The following LTBP1 variants were observed in gnomAD, a reference collection of about 807,000 sequenced individuals.
The protein encoded by LTBP1 is latent transforming growth factor beta binding protein 1.
Under a neutral mutation model 207.6 loss-of-function variants are expected in LTBP1, and 129 were observed. The observed-to-expected ratio is 0.62, with a 90% confidence interval of 0.54 to 0.72. The LOEUF (loss-of-function observed/expected upper bound fraction) is 0.72, where lower values mean the gene tolerates loss of function less well. LTBP1 is among the 30% of genes least tolerant of loss of function. The probability of loss-of-function intolerance (pLI) is 0.00; values close to 1 mark genes in which losing one functional copy is unlikely to be tolerated. For synonymous variants in LTBP1, 963 were observed against 833.7 expected (o/e 1.16, Z -2.67); for missense variants, 2,281 against 2,217.2 (o/e 1.03, Z -0.58).
chr2:32,999,404 G>A lies in LTBP1; in HGVS notation c.566-21505G>A, dbSNP rs1342877520. 5.0e-5 allele frequency among the ~76,000 whole-genome samples: 4 copies of A among 79,348 alleles called. 1 individual carries two copies. Among genetic ancestry groups the A allele is most frequent in the Non-Finnish European group, 1.2e-4 (4 of 34,026 alleles). 52.1% of individuals were successfully genotyped at this position (79,348 alleles called of 152,430 possible). A position where few individuals can be genotyped will look rare whatever the true frequency, so the allele number is the denominator to read the frequency against. On this transcript the variant is annotated intron_variant, in intron 2 of 33. Transcript: ENST00000404816. ...AGGTTGGGCGAGGCCTAGACATGGT[G>A]TGTGGAGACCCCGGTCTAAGAGTTG...
Position 33,362,640 on chromosome 2 carries a change from T to C in LTBP1, c.4271-750T>C, listed in dbSNP as rs556169088. Among the ~76,000 whole-genome samples the C allele has an allele frequency of 2.0e-5, 3 of 152,318 alleles. No individual in the cohort carries two copies. In the East Asian group the frequency reaches 5.8e-4, roughly 29 times the overall value. ...TTGACTTTGCCATTTTCCATCTGTG[T>C]TAACTTTAAGCAAGTCATCTATGGA... On this transcript the variant is annotated intron_variant, in intron 28 of 33. Coordinates refer to ENST00000404816, the MANE Select transcript of LTBP1 (RefSeq NM_206943.4).
intron 10 of LTBP1, among the ~76,000 whole-genome samples, chr2:33,249,898 T>C (rs905254907): frequency 1.5e-4 from 23 of 152,244 alleles, no homozygotes; most frequent in African/African-American, 5.3e-4. Context: ...TAGAAATCTT[T>C]TGGTATTTCT....
intron 9 of LTBP1, among the ~76,000 whole-genome samples, chr2:33,235,527 A>G (rs1294492578): frequency 6.6e-6 from 1 of 152,224 alleles, no homozygotes; most frequent in African/African-American, 2.4e-5. Context: ...CAGAAATACC[A>G]TTTGACCCAG....
At chr2:33,039,004 T>G (rs1225415314) in intron 3 of LTBP1, among the ~76,000 whole-genome samples, 1 of 152,192 alleles carries the variant, frequency 6.6e-6, no homozygotes, top group Non-Finnish European at 1.5e-5. Flanking sequence ...CTTTGTCTTT[T>G]TGTCCCCAGC....
chr2:33,353,859 C>CATTTTTTTTTTTTTT (rs777108878), intron 26 of LTBP1, among the ~76,000 whole-genome samples: 1 of 113,114 alleles, frequency 8.8e-6, no homozygotes, highest in Non-Finnish European at 2.0e-5. Flanking sequence ...TGCATGTACG[C>CATTTTTTTTTTTTTT]CTTTTTTTTT....
At chr2:33,247,513 T>G (rs948918033) in intron 10 of LTBP1, among the ~76,000 whole-genome samples, 4 of 152,244 alleles carry the variant, frequency 2.6e-5, no homozygotes, top group Admixed American at 2.6e-4. Context: ...CCATGTCCAT[T>G]CATTTACTTA....
At chr2:33,046,891 T>C (rs1272251072) in intron 3 of LTBP1, among the ~76,000 whole-genome samples, 1 of 152,222 alleles carries the variant, frequency 6.6e-6, no homozygotes, top group African/African-American at 2.4e-5. Context: ...TTCTAGTTTA[T>C]TTGCATAGAG....
Position 33,273,590 on chromosome 2 carries a change from T to C in LTBP1, c.2618-66T>C, listed in dbSNP as rs111391856. On this transcript the variant is annotated intron_variant, in intron 15 of 33. Transcript: ENST00000404816. ...GGTCAGGAAACTCAAAGTAATACTT[T>C]GAGAGTAGCAGTGAAATCTGTTCAT... The C allele has an allele frequency of 7.5e-6, 10 of 1,330,772 alleles. No individual in the cohort carries two copies. The South Asian group carries it at 8.5e-5, about 11-fold the overall frequency. The allele number at this position is 1,330,772 out of a possible 1,614,324, so 82.4% of individuals were successfully genotyped here. A position where few individuals can be genotyped will look rare whatever the true frequency, so the allele number is the denominator to read the frequency against.
At chr2:33,297,750 A>G (rs558393295) in intron 20 of LTBP1, among the ~76,000 whole-genome samples, 2 of 151,856 alleles carry the variant, frequency 1.3e-5, no homozygotes, top group South Asian at 4.2e-4. Context: ...AAACAAAACA[A>G]AACAAAAACA....
intron 3 of LTBP1, among the ~76,000 whole-genome samples, chr2:33,030,853 C>T (rs2075660618): frequency 6.6e-6 from 1 of 152,076 alleles, no homozygotes; most frequent in South Asian, 2.1e-4. Context: ...ATCTTATCAC[C>T]TTATGAAGCA....
intron 12 of LTBP1, among the ~76,000 whole-genome samples, chr2:33,258,935 A>G (rs569119308): frequency 1.3e-5 from 2 of 152,338 alleles, no homozygotes; most frequent in African/African-American, 4.8e-5. Context: ...AAAAATACAA[A>G]GGCATCACCA....
rs145223584 is a variant in LTBP1, at chr2:33,161,802, A to G, written c.1202-25054A>G. On this transcript the variant is annotated intron_variant, in intron 5 of 33. Coordinates refer to ENST00000404816, the MANE Select transcript of LTBP1 (RefSeq NM_206943.4). ...AAAGAACCTGCATTGTAGACTATAA[A>G]CATTCATGATCGCTTTTATTGATGA... Among the ~76,000 whole-genome samples the G allele has an allele frequency of 3.3e-3, 497 of 152,350 alleles. 3 individuals are homozygous for G. Among genetic ancestry groups the G allele is most frequent in the African/African-American group, 0.012 (483 of 41,578 alleles).
chr2:33,305,110 C>T (rs549913663), intron 22 of LTBP1, among the ~76,000 whole-genome samples: 1 of 151,822 alleles, frequency 6.6e-6, no homozygotes, highest in East Asian at 1.9e-4. Flanking sequence ...GTCAGGAGAT[C>T]GAGACCATCT....
chr2:33,180,046 A>G (rs2086461107), intron 5 of LTBP1, among the ~76,000 whole-genome samples: 1 of 152,004 alleles, frequency 6.6e-6, no homozygotes, highest in African/African-American at 2.4e-5. Context: ...CACTCATGTT[A>G]TTTGTTCTTC....
intron 24 of LTBP1, among the ~76,000 whole-genome samples, chr2:33,320,396 G>GGA (rs1559006456): frequency 8.0e-6 from 1 of 124,812 alleles, no homozygotes; most frequent in Non-Finnish European, 1.7e-5. Flanking sequence ...TAAACTCTGT[G>GGA]AAAAAAAAAA....
rs554363550 is a variant in LTBP1, at chr2:33,138,893, C to G, written c.1201+3933C>G. 9.6e-5 allele frequency among the ~76,000 whole-genome samples: 11 copies of G among 113,998 alleles called. No individual in the cohort carries two copies. In the East Asian group the frequency reaches 2.4e-3, roughly 25 times the overall value. 74.8% of individuals were successfully genotyped at this position (113,998 alleles called of 152,430 possible). The stretch of plus-strand genomic sequence containing the variant: ...TTTTTTTTTGAGACGGAGTCTCGCT[C>G]TGTCGCCCAGGCTGGAGTGCAGTGG... On this transcript the variant is annotated intron_variant, in intron 5 of 33. Coordinates refer to ENST00000404816, the MANE Select transcript of LTBP1 (RefSeq NM_206943.4).
intron 32 of LTBP1, among the ~76,000 whole-genome samples, chr2:33,396,413 G>C (rs1025124889): frequency 1.3e-5 from 2 of 152,014 alleles, no homozygotes; most frequent in Non-Finnish European, 2.9e-5. Flanking sequence ...GTAGAGACAG[G>C]GTTTCACCAT....
chr2:33,151,826 TGTG>T (rs1558713056), intron 5 of LTBP1, among the ~76,000 whole-genome samples: 99 of 956 alleles, frequency 0.1, no homozygotes, highest in Non-Finnish European at 0.14. Context: ...TTCCATTTTG[TGTG>T]TGTGTGTGTG....
At chr2:33,335,037 TGTGAGAGCCATGGCACTCTCTCTCACA>T (rs1023409597) in intron 24 of LTBP1, among the ~76,000 whole-genome samples, 4 of 151,966 alleles carry the variant, frequency 2.6e-5, no homozygotes, top group African/African-American at 9.7e-5. Context: ...TGTGGCTCAC[TGTGAGAGCCATGGCACTCTCTCTCACA>T]GTGAGAGCAT....
Sources: gnomAD v4.1 joint callset for allele counts (sites outside exome capture counted in the v4.1 genomes callset) on GRCh38, gnomAD v4.1.1 for gene constraint, MANE v1.5 for transcripts, NCBI Gene and HGNC (gene_info 2026-07-23, HGNC 2026-07-21) for gene names.